CABLES1: variants seen among roughly 807,000 people sequenced by gnomAD.
The protein encoded by CABLES1 is Cdk5 and Abl enzyme substrate 1.
In CABLES1, 36 loss-of-function variants were observed where a neutral mutation model predicts 57.8. The ratio of observed to expected loss-of-function variants is 0.62; its 90% CI spans 0.48 to 0.82. The LOEUF is 0.82. Among genes scored for constraint, CABLES1 ranks in the 40% least tolerant of loss-of-function variants. The pLI, the probability that CABLES1 is intolerant of heterozygous loss-of-function variation, is 0.00. For missense variants in CABLES1, 767 were observed against 836.6 expected (o/e 0.92, Z 1.03); for synonymous variants, 374 against 363.0 (o/e 1.03, Z -0.35).
chr18:23,181,607 A>T (rs2047167798), intron 1 of CABLES1, among the ~76,000 whole-genome samples: 1 of 150,784 alleles, frequency 6.6e-6, no homozygotes, highest in Non-Finnish European at 1.5e-5. Flanking sequence ...AAAGTCCAGG[A>T]ATACCCACCT....
In CABLES1 at chr18:23,135,982, C is replaced by T. The variant is rs2046816451; in HGVS notation, c.220C>T (p.Leu74=). The change falls in exon 1 of 10, where the codon CTG becomes TTG. Residue 74 remains leucine (L), a synonymous_variant. Coordinates refer to ENST00000256925, the MANE Select transcript of CABLES1 (RefSeq NM_001100619.3). ...CCTCTCCTTCCTCACCAACATCTCG[C>T]TGGACGGCCGGCTGCCGCCGCAGGA... ...AALSFLTNIS[L]DGRLPPQDAE... 5.3e-6 allele frequency: 6 copies of T among 1,139,308 alleles called. No homozygotes were observed. Among genetic ancestry groups the T allele is most frequent in the Non-Finnish European group, 6.5e-6 (6 of 928,724 alleles). 70.6% of individuals were successfully genotyped at this position (1,139,308 alleles called of 1,614,324 possible).
At position 23,259,162 on chromosome 18, in the gene CABLES1, C is replaced by T. The variant is rs1196297615; in HGVS notation, c.*1795C>T. On this transcript the variant is annotated 3_prime_UTR_variant, in exon 10 of 10. Transcript: ENST00000256925. ...TACAAAATGCCCTTGGCCTTCCTCA[C>T]ATGGGGTCTGTCACCTTGCATCTCT... 6.6e-6 allele frequency: 1 copy of T among 152,280 alleles called. No homozygotes were observed. Among genetic ancestry groups the T allele is most frequent in the Non-Finnish European group, 1.5e-5 (1 of 68,060 alleles). 9.4% of individuals were successfully genotyped at this position (152,280 alleles called of 1,614,324 possible).
Position 23,156,012 on chromosome 18 carries a change from C to T in CABLES1, c.845+19405C>T, listed in dbSNP as rs2046963184. The T allele has an allele frequency of 2.0e-5, 32 of 1,588,344 alleles. No homozygotes were observed. The South Asian group carries it at 3.4e-4, about 17-fold the overall frequency. ...GAGCTGAGTCTGTTTTTTTGGCTCC[C>T]CCCTTTGGATGCTGACGGTCTTTGT... On this transcript the variant is annotated intron_variant, in intron 1 of 9. Transcript: ENST00000256925.
At chr18:23,164,893 T>A (rs981423002) in intron 1 of CABLES1, among the ~76,000 whole-genome samples, 1 of 152,048 alleles carries the variant, frequency 6.6e-6, no homozygotes, top group Non-Finnish European at 1.5e-5. Flanking sequence ...TGCCTCAGCC[T>A]CCTGAGTAGC....
intron 7 of CABLES1, among the ~76,000 whole-genome samples, chr18:23,250,398 G>T (rs2048009278): frequency 6.6e-6 from 1 of 152,170 alleles, no homozygotes; most frequent in Non-Finnish European, 1.5e-5. Context: ...GAAACAGGAG[G>T]GTTGGCTGAT....
At chr18:23,234,785 G>T in intron 5 of CABLES1, 81 bp downstream of exon 5, 1 of 1,164,618 alleles carries the variant, frequency 8.6e-7, no homozygotes, top group Non-Finnish European at 1.3e-6. Context: ...CAGCCCACAA[G>T]CCTCTCTTGA....
At chr18:23,168,429 G>A (rs1449796491) in intron 1 of CABLES1, among the ~76,000 whole-genome samples, 1 of 152,204 alleles carries the variant, frequency 6.6e-6, no homozygotes, top group African/African-American at 2.4e-5. Context: ...CATAGAGACA[G>A]AAAGTAGAAT....
chr18:23,136,134 G>A lies in CABLES1; in HGVS notation c.372G>A (p.Ala124=), dbSNP rs1238956265. The A allele has an allele frequency of 2.5e-6, 3 of 1,199,918 alleles. No homozygotes were observed. Among genetic ancestry groups the A allele is most frequent in the South Asian group, 4.1e-5 (1 of 24,514 alleles). The allele number at this position is 1,199,918 out of a possible 1,614,324, so 74.3% of individuals were successfully genotyped here. The part of the protein sequence containing the change: ...AERGGCIALA[A]PGTPAAGLAA... ...GGGGCGGCTGCATCGCGCTCGCCGC[G>A]CCGGGCACGCCGGCTGCGGGGTTAG... Residue 124 remains alanine (A), a synonymous_variant, in exon 1 of 10, where the codon GCG becomes GCA. Coordinates refer to ENST00000256925, the MANE Select transcript of CABLES1 (RefSeq NM_001100619.3).
intron 7 of CABLES1, among the ~76,000 whole-genome samples, chr18:23,245,334 C>T (rs1165998741): frequency 6.6e-6 from 1 of 151,988 alleles, no homozygotes; most frequent in Non-Finnish European, 1.5e-5. Flanking sequence ...ATGGCGAAAC[C>T]CCATCTCTAC....
At position 23,142,645 on chromosome 18, in the gene CABLES1, A is replaced by C. The variant is rs116337586; in HGVS notation, c.845+6038A>C. ...TCACTTATTCATTCAACAAACATTGAACACAATGAGTATCAATCATGAGTC... is the reference window on the plus strand; with the variant it reads ...TCACTTATTCATTCAACAAACATTGCACACAATGAGTATCAATCATGAGTC... On this transcript the variant is annotated intron_variant, in intron 1 of 9. Coordinates refer to ENST00000256925, the MANE Select transcript of CABLES1 (RefSeq NM_001100619.3). 4.5e-3 allele frequency among the ~76,000 whole-genome samples: 683 copies of C among 152,322 alleles called. 2 individuals are homozygous for C. The highest frequency in any genetic ancestry group is 0.015 in the African/African-American group (643 of 41,562).
In CABLES1 at chr18:23,182,835, G is replaced by A. The variant is rs551209342; in HGVS notation, c.846-6003G>A. Among the ~76,000 whole-genome samples the A allele has an allele frequency of 9.2e-5, 14 of 152,284 alleles. No homozygotes were observed. The South Asian group carries it at 2.7e-3, about 29-fold the overall frequency. ...ATCAGCTTGCCCCACCAGGCCCCAC[G>A]ATGACACTGCTGCACCCTCACTGGT... On this transcript the variant is annotated intron_variant, in intron 1 of 9. Transcript: ENST00000256925.
intron 1 of CABLES1, among the ~76,000 whole-genome samples, chr18:23,153,947 C>A (rs187157155): frequency 6.6e-6 from 1 of 152,168 alleles, no homozygotes; most frequent in African/African-American, 2.4e-5. Context: ...ACAAGAATTG[C>A]TTGTAACCAG....
chr18:23,140,820 G>T (rs2046853634), intron 1 of CABLES1, among the ~76,000 whole-genome samples: 1 of 152,180 alleles, frequency 6.6e-6, no homozygotes, highest in Non-Finnish European at 1.5e-5. Context: ...TTTGTGGTAC[G>T]GAAGAGCCTT....
chr18:23,213,692 C>T (rs1303748083), intron 3 of CABLES1, among the ~76,000 whole-genome samples: 3 of 152,214 alleles, frequency 2.0e-5, no homozygotes, highest in South Asian at 2.1e-4. Context: ...GCATGTGCAG[C>T]CCACAGCAAG....
intron 1 of CABLES1, among the ~76,000 whole-genome samples, chr18:23,165,082 C>A (rs1368307583): frequency 6.6e-6 from 1 of 151,980 alleles, no homozygotes; most frequent in Non-Finnish European, 1.5e-5. Flanking sequence ...CTTAACTATT[C>A]TTTTAACCAT....
chr18:23,137,490 C>T (rs992101288), intron 1 of CABLES1, among the ~76,000 whole-genome samples: 1 of 152,164 alleles, frequency 6.6e-6, no homozygotes, highest in African/African-American at 2.4e-5. Flanking sequence ...AGGGAGTGCC[C>T]TCCCTTGTTG....
chr18:23,210,915 C>T (rs902386203), intron 3 of CABLES1, among the ~76,000 whole-genome samples: 5 of 151,986 alleles, frequency 3.3e-5, no homozygotes, highest in African/African-American at 1.2e-4. Context: ...TCCCTCCAGC[C>T]GCTTGAGACT....
At chr18:23,252,332 G>A (rs1165964190) in intron 7 of CABLES1, among the ~76,000 whole-genome samples, 1 of 152,168 alleles carries the variant, frequency 6.6e-6, no homozygotes, top group Non-Finnish European at 1.5e-5. Flanking sequence ...TAATGCCACT[G>A]AATGGTACGC....
intron 1 of CABLES1, among the ~76,000 whole-genome samples, chr18:23,168,521 C>T (rs557124206): frequency 9.9e-5 from 15 of 152,112 alleles, no homozygotes; most frequent in Non-Finnish European, 1.9e-4. Context: ...ATGATGAAGT[C>T]GTCTGGAGGT....
Sources: allele counts gnomAD v4.1 joint callset (sites outside exome capture counted in the v4.1 genomes callset), GRCh38; gene constraint gnomAD v4.1.1; transcripts MANE v1.5; gene names NCBI Gene and HGNC (gene_info 2026-07-23, HGNC 2026-07-21).